The following ATP6V1H variants were observed in gnomAD, a reference collection of about 807,000 sequenced individuals.
The protein encoded by ATP6V1H is V-type proton ATPase subunit H.
A neutral mutation model predicts 71.7 loss-of-function variants in ATP6V1H; 39 were observed. That is an observed-to-expected ratio of 0.54 (90% CI 0.42 to 0.71). The LOEUF (loss-of-function observed/expected upper bound fraction) is 0.71, where lower values mean the gene tolerates loss of function less well. Among genes scored for constraint, ATP6V1H ranks in the 30% least tolerant of loss-of-function variants. The pLI, the probability that ATP6V1H is intolerant of heterozygous loss-of-function variation, is 0.00. For missense variants in ATP6V1H, 509 were observed against 594.9 expected (o/e 0.86, Z 1.50); for synonymous variants, 192 against 199.3 (o/e 0.96, Z 0.31).
At chr8:53,771,358 A>G (rs892658347) in intron 10 of ATP6V1H, among the ~76,000 whole-genome samples, 1 of 152,202 alleles carries the variant, frequency 6.6e-6, no homozygotes, top group Non-Finnish European at 1.5e-5. Context: ...AAGATCATCA[A>G]GATATTATGT....
At chr8:53,780,159 A>C (rs1326172086) in intron 9 of ATP6V1H, among the ~76,000 whole-genome samples, 1 of 139,838 alleles carries the variant, frequency 7.2e-6, no homozygotes, top group Non-Finnish European at 1.6e-5. Flanking sequence ...ACTCCATCTC[A>C]AAAAAAAAAA....
chr8:53,815,866 G>T (rs530566176), intron 5 of ATP6V1H, among the ~76,000 whole-genome samples: 3 of 152,324 alleles, frequency 2.0e-5, no homozygotes, highest in Non-Finnish European at 2.9e-5. Flanking sequence ...ACCAATGGGA[G>T]TCTGCCCCTC....
At chr8:53,718,607 C>T (rs549498510) in intron 13 of ATP6V1H, among the ~76,000 whole-genome samples, 15 of 152,114 alleles carry the variant, frequency 9.9e-5, no homozygotes, top group African/African-American at 2.6e-4. Context: ...CCAGGCTGGA[C>T]GCTAACTCCT....
chr8:53,723,365 A>G (rs1806693625), intron 13 of ATP6V1H, among the ~76,000 whole-genome samples: 1 of 152,140 alleles, frequency 6.6e-6, no homozygotes, highest in Admixed American at 6.5e-5. Context: ...ACCTCTCACC[A>G]TGGCTGGATT....
intron 3 of ATP6V1H, chr8:53,832,304 T>G (rs1001433949): frequency 2.6e-5 from 4 of 152,138 alleles, no homozygotes; most frequent in African/African-American, 9.6e-5. Flanking sequence ...GTAGAATAAC[T>G]TTTTTCTTTT....
chr8:53,788,000 T>TC (rs1419434718), intron 9 of ATP6V1H, among the ~76,000 whole-genome samples: 29 of 152,330 alleles, frequency 1.9e-4, no homozygotes, highest in Admixed American at 5.9e-4. Flanking sequence ...TCAAATAACC[T>TC]CATCAGTAAA....
intron 13 of ATP6V1H, among the ~76,000 whole-genome samples, chr8:53,717,678 C>G (rs1262346601): frequency 6.6e-6 from 1 of 151,792 alleles, no homozygotes; most frequent in Non-Finnish European, 1.5e-5. Context: ...TGCTGCTCCT[C>G]TGGGAATGCC....
At chr8:53,765,692 T>C (rs1808436359) in intron 11 of ATP6V1H, among the ~76,000 whole-genome samples, 1 of 152,218 alleles carries the variant, frequency 6.6e-6, no homozygotes, top group Admixed American at 6.5e-5. Context: ...ACTGTCAAGA[T>C]ATCAACTGTT....
At chr8:53,770,995 C>T (rs1340432323) in intron 10 of ATP6V1H, among the ~76,000 whole-genome samples, 1 of 152,178 alleles carries the variant, frequency 6.6e-6, no homozygotes, top group Non-Finnish European at 1.5e-5. Flanking sequence ...CAGATAACAC[C>T]TCCCATCTCT....
chr8:53,741,983 C>T (rs892239743), intron 13 of ATP6V1H, among the ~76,000 whole-genome samples: 2 of 152,186 alleles, frequency 1.3e-5, no homozygotes, highest in African/African-American at 4.8e-5. Context: ...AACCCGTTCT[C>T]CAGGGAGTAG....
rs758195088 is a variant in ATP6V1H, at chr8:53,772,074, C to G, written c.964G>C (p.Glu322Gln). The G allele has an allele frequency of 5.6e-6, 9 of 1,613,922 alleles. No homozygotes were observed. The African/African-American group carries it at 1.1e-4, about 19-fold the overall frequency. Reference protein sequence around the residue: ...CKVLKQLENLEQQKYDDEDIS... With the variant: ...CKVLKQLENLQQQKYDDEDIS... ...TCTTCATCATCGTACTTCTGCTGTT[C>G]CAAGTTCTCCAACTGTTTCAGAACT... Residue 322 changes from glutamate to glutamine, a missense_variant, in exon 10 of 14, where the codon GAA becomes CAA. By Grantham distance (29) the Glu-to-Gln change is conservative. Around this residue, in one of 2 missense-constraint regions of ATP6V1H, gnomAD observed 212 missense variants for 291.6 expected, o/e 0.73. Transcript: ENST00000359530.
chr8:53,834,947 G>A (rs1811113857), intron 2 of ATP6V1H, among the ~76,000 whole-genome samples: 1 of 152,032 alleles, frequency 6.6e-6, no homozygotes, highest in Non-Finnish European at 1.5e-5. Flanking sequence ...TTTAAGACAA[G>A]CCTGGGCAAC....
chr8:53,768,647 C>T (rs1042305358), intron 11 of ATP6V1H, among the ~76,000 whole-genome samples: 6 of 151,882 alleles, frequency 4.0e-5, no homozygotes, highest in Non-Finnish European at 8.8e-5. Context: ...ATGGATGAGC[C>T]CTGAACACAT....
intron 7 of ATP6V1H, among the ~76,000 whole-genome samples, chr8:53,807,051 A>C (rs990289277): frequency 4.6e-5 from 7 of 152,208 alleles, no homozygotes; most frequent in Admixed American, 2.6e-4. Flanking sequence ...AGCAGACTAC[A>C]ATTTAATAAC....
chr8:53,769,588 TAA>T (rs1011151094), intron 11 of ATP6V1H, 28 bp downstream of exon 11: 6 of 1,597,800 alleles, frequency 3.8e-6, no homozygotes, highest in Non-Finnish European at 4.3e-6. Context: ...TAACAGATAT[TAA>T]GAGTGTAAAG....
At chr8:53,787,512 T>G (rs1809426630) in intron 9 of ATP6V1H, among the ~76,000 whole-genome samples, 1 of 151,812 alleles carries the variant, frequency 6.6e-6, no homozygotes, top group African/African-American at 2.4e-5. Context: ...GATTAATCTA[T>G]CTAATGAAAA....
At chr8:53,822,809 G>A (rs1248970759) in intron 4 of ATP6V1H, among the ~76,000 whole-genome samples, 1 of 152,028 alleles carries the variant, frequency 6.6e-6, no homozygotes, top group East Asian at 1.9e-4. Context: ...AAGATATGCA[G>A]ACAATCAGAA....
intron 2 of ATP6V1H, among the ~76,000 whole-genome samples, chr8:53,841,228 T>C (rs1811330387): frequency 6.6e-6 from 1 of 152,218 alleles, no homozygotes; most frequent in Non-Finnish European, 1.5e-5. Context: ...CCCATGCTGA[T>C]TGCCAGGGCA....
At chr8:53,824,987 T>C (rs1182419288) in intron 4 of ATP6V1H, among the ~76,000 whole-genome samples, 1 of 151,882 alleles carries the variant, frequency 6.6e-6, no homozygotes, top group African/African-American at 2.4e-5. Context: ...AGTTCAGAGA[T>C]AAAATGGAAG....
Sources: gnomAD v4.1 joint callset for allele counts (sites outside exome capture counted in the v4.1 genomes callset) on GRCh38, gnomAD v4.1.1 for gene constraint, gnomAD v4.1.1 regional missense constraint, MANE v1.5 for transcripts, NCBI Gene and HGNC (gene_info 2026-07-23, HGNC 2026-07-21) for gene names.